Variants in GBP7 observed in about 807,000 individuals in gnomAD.
The protein encoded by GBP7 is guanylate-binding protein 7.
A neutral mutation model predicts 61.3 loss-of-function variants in GBP7; 43 were observed. The ratio of observed to expected loss-of-function variants is 0.70; its 90% CI spans 0.55 to 0.91. The LOEUF is 0.91. GBP7 is among the 40% of genes least tolerant of loss of function. The probability of loss-of-function intolerance (pLI) is 0.00; values close to 1 mark genes in which losing one functional copy is unlikely to be tolerated. For synonymous variants in GBP7, 267 were observed against 271.0 expected, an observed-to-expected ratio of 0.99 and a Z score of 0.14; for missense variants, 717 against 740.5, an observed-to-expected ratio of 0.97 and a Z score of 0.37.
rs539578277 is a variant in GBP7 at position 89,140,102 on chromosome 1, C to T, written c.1468+1444G>A. ...TGTGGCACATATACACCATGGAATA[C>T]TATGCAGCCATAAAAAATGAAGAGT... On this transcript the variant is annotated intron_variant, in intron 9 of 10. Transcript: ENST00000294671. Among the ~76,000 whole-genome samples the T allele has an allele frequency of 3.0e-3, 451 of 151,996 alleles. 1 individual carries two copies. Among genetic ancestry groups the T allele is most frequent in the African/African-American group, 0.011 (439 of 41,414 alleles).
chr1:89,134,227 T>C (rs1012543708), intron 9 of GBP7, among the ~76,000 whole-genome samples: 1 of 152,168 alleles, frequency 6.6e-6, no homozygotes, highest in Non-Finnish European at 1.5e-5. Context: ...CAATGCACCC[T>C]CTCCCCACTG....
At chr1:89,159,533 C>G (rs1315839733) in intron 3 of GBP7, among the ~76,000 whole-genome samples, 1 of 151,368 alleles carries the variant, frequency 6.6e-6, no homozygotes, top group African/African-American at 2.4e-5. Flanking sequence ...TCAAACAACC[C>G]CATCAAAAAG....
At chr1:89,167,323 C>G (rs763621629) in intron 2 of GBP7, among the ~76,000 whole-genome samples, 6 of 152,184 alleles carry the variant, frequency 3.9e-5, no homozygotes, top group Non-Finnish European at 7.3e-5. Context: ...AAGGTCACCT[C>G]AATAAAAGGC....
chr1:89,141,064 G>T (rs944803979), intron 9 of GBP7, among the ~76,000 whole-genome samples: 1 of 152,124 alleles, frequency 6.6e-6, no homozygotes, highest in Non-Finnish European at 1.5e-5. Flanking sequence ...GATGGGAAGA[G>T]GGTAAAGATT....
At chr1:89,156,653 C>T (rs1682322190) in intron 3 of GBP7, among the ~76,000 whole-genome samples, 1 of 152,180 alleles carries the variant, frequency 6.6e-6, no homozygotes, top group East Asian at 1.9e-4. Context: ...ACAACAAGAG[C>T]TAACTATCCT....
chr1:89,161,453 A>G (rs1647265618), intron 3 of GBP7, among the ~76,000 whole-genome samples: 1 of 152,096 alleles, frequency 6.6e-6, no homozygotes. Flanking sequence ...TTGACTTTTT[A>G]ATAATAGCCA....
chr1:89,134,276 G>A (rs1031266617), intron 9 of GBP7, among the ~76,000 whole-genome samples: 4 of 152,120 alleles, frequency 2.6e-5, no homozygotes, highest in South Asian at 4.1e-4. Flanking sequence ...TCTCACCACC[G>A]CTTTGCTGGT....
intron 9 of GBP7, among the ~76,000 whole-genome samples, chr1:89,135,308 C>G (rs888101512): frequency 6.6e-6 from 1 of 152,114 alleles, no homozygotes; most frequent in Admixed American, 6.5e-5. Flanking sequence ...CCCAACCTCA[C>G]TAGAGAGGTT....
intron 9 of GBP7, among the ~76,000 whole-genome samples, chr1:89,140,371 C>T (rs1377060178): frequency 6.7e-6 from 1 of 149,568 alleles, no homozygotes; most frequent in Admixed American, 6.7e-5. Flanking sequence ...AGAACACCAA[C>T]ATGGCACATG....
chr1:89,158,805 A>C (rs887112793), intron 3 of GBP7, among the ~76,000 whole-genome samples: 1 of 152,202 alleles, frequency 6.6e-6, no homozygotes, highest in African/African-American at 2.4e-5. Context: ...TTATAGATTC[A>C]ATGCCATCCC....
chr1:89,141,443 G>C, intron 9 of GBP7, 103 bp downstream of exon 9: 1 of 931,602 alleles, frequency 1.1e-6, no homozygotes, highest in South Asian at 1.7e-5. Flanking sequence ...TGTTCCCTAT[G>C]AGAAGAAAGC....
intron 9 of GBP7, among the ~76,000 whole-genome samples, chr1:89,137,672 T>C (rs1375522011): frequency 2.0e-5 from 3 of 152,090 alleles, no homozygotes; most frequent in Non-Finnish European, 2.9e-5. Context: ...AAGCCATCTA[T>C]GAAAAACCCA....
chr1:89,137,580 A>G (rs1221872318), intron 9 of GBP7, among the ~76,000 whole-genome samples: 2 of 152,190 alleles, frequency 1.3e-5, no homozygotes, highest in African/African-American at 4.8e-5. Context: ...GGGCACAGAA[A>G]AGGCTTTTGA....
chr1:89,166,887 T>C (rs898271755), intron 2 of GBP7, among the ~76,000 whole-genome samples: 2 of 152,236 alleles, frequency 1.3e-5, no homozygotes, highest in African/African-American at 4.8e-5. Context: ...CCAGCACACA[T>C]ATTAAGTCCT....
Position 89,150,599 on chromosome 1 carries a change from C to T in GBP7, c.626-24G>A, listed in dbSNP as rs1682172656. The stretch of plus-strand genomic sequence containing the variant: ...GCCTGCAGAATTAGTGAAAAAGTGA[C>T]TACTGAAGAACAGGTTTTAAGTGAG... On this transcript the variant is annotated intron_variant, in intron 5 of 10. Transcript: ENST00000294671. 16 of 1,611,180 alleles carry T rather than the reference C, an allele frequency of 9.9e-6. No homozygotes were observed. The East Asian group carries it at 3.6e-4, about 36-fold the overall frequency.
At chr1:89,173,374 T>C (rs981008754) in intron 1 of GBP7, among the ~76,000 whole-genome samples, 10 of 152,326 alleles carry the variant, frequency 6.6e-5, no homozygotes, top group Middle Eastern at 3.4e-3. Context: ...CCAGTTCCAA[T>C]CCAACACATC....
At chr1:89,163,965 G>T (rs1647347012) in intron 3 of GBP7, among the ~76,000 whole-genome samples, 2 of 151,904 alleles carry the variant, frequency 1.3e-5, no homozygotes, top group Admixed American at 1.3e-4. Context: ...CACTTCCCGG[G>T]TCCAAGCGAT....
At chr1:89,152,092 G>T (rs1260137807) in intron 5 of GBP7, among the ~76,000 whole-genome samples, 176 bp downstream of exon 5, 13 of 152,004 alleles carry the variant, frequency 8.6e-5, no homozygotes, top group Non-Finnish European at 1.3e-4. Context: ...TCAGCCTCTG[G>T]GAAATTTCAA....
intron 8 of GBP7, among the ~76,000 whole-genome samples, chr1:89,144,038 C>G (rs1197655075): frequency 6.6e-6 from 1 of 152,188 alleles, no homozygotes; most frequent in African/African-American, 2.4e-5. Context: ...CTGCCTCCTC[C>G]CTCTTGTATT....
Sources: allele counts gnomAD v4.1 joint callset (sites outside exome capture counted in the v4.1 genomes callset), GRCh38; gene constraint gnomAD v4.1.1; transcripts MANE v1.5; gene names NCBI Gene and HGNC (gene_info 2026-07-23, HGNC 2026-07-21).